NPC1: variants seen among roughly 807,000 people sequenced by gnomAD.
NPC1 encodes the protein Niemann-Pick C1 protein.
Under a neutral mutation model 140.4 loss-of-function variants are expected in NPC1, and 85 were observed. The ratio of observed to expected loss-of-function variants is 0.61; its 90% CI spans 0.51 to 0.72. The LOEUF is 0.72. NPC1 is among the 30% of genes least tolerant of loss of function. NPC1 has a pLI of 0.00. For missense variants in NPC1, 1,504 were observed against 1,623.8 expected (o/e 0.93, Z 1.27); for synonymous variants, 656 against 624.8 (o/e 1.05, Z -0.74).
In NPC1 at chr18:23,531,899, T is replaced by A; in HGVS notation, c.*303A>T. 2 of 1,442,426 alleles carry A rather than the reference T, an allele frequency of 1.4e-6. No individual in the cohort carries two copies. Among genetic ancestry groups the A allele is most frequent in the South Asian group, 3.0e-5 (2 of 67,050 alleles). The allele number at this position is 1,442,426 out of a possible 1,614,324, so 89.4% of individuals were successfully genotyped here. On this transcript the variant is annotated 3_prime_UTR_variant, in exon 25 of 25. Transcript: ENST00000269228. ...TGCATTGATTGGCCTTTACAGAGTG[T>A]CAGTGAGCGGATCACATTCACAGCC...
intron 22 of NPC1, 138 bp downstream of exon 22, chr18:23,535,331 G>C (rs2058612082): frequency 1.4e-6 from 1 of 726,068 alleles, no homozygotes; most frequent in Non-Finnish European, 2.5e-6. Context: ...CACTCATCCT[G>C]CCTCTCCATG....
chr18:23,531,778 T>C lies in NPC1; in HGVS notation c.*424A>G. 1 of 1,562,240 alleles carries C rather than the reference T, an allele frequency of 6.4e-7. No individual in the cohort carries two copies. The highest frequency in any genetic ancestry group is 2.3e-5 in the East Asian group (1 of 44,150). Reference sequence around the variant, plus strand: ...TGCATTAATAAAGCTCTTTAAACTATAAAATGTTATAAAGTGTATCTACAA... The same window carrying C: ...TGCATTAATAAAGCTCTTTAAACTACAAAATGTTATAAAGTGTATCTACAA... On this transcript the variant is annotated 3_prime_UTR_variant, in exon 25 of 25. Coordinates refer to ENST00000269228, the MANE Select transcript of NPC1 (RefSeq NM_000271.5).
intron 1 of NPC1, among the ~76,000 whole-genome samples, chr18:23,575,859 G>A (rs1277619006): frequency 6.6e-6 from 1 of 150,638 alleles, no homozygotes; most frequent in Non-Finnish European, 1.5e-5. Context: ...AGCCAAGGCA[G>A]GTGGGTCGCT....
chr18:23,586,152 G>A (rs2059416085), intron 1 of NPC1, 135 bp downstream of exon 1: 2 of 906,670 alleles, frequency 2.2e-6, no homozygotes, highest in Non-Finnish European at 3.3e-6. Flanking sequence ...GACAAGTGAG[G>A]AACCTCCGAG....
chr18:23,531,002 A>AT (rs201056665), downstream of NPC1, among the ~76,000 whole-genome samples: 3,497 of 148,908 alleles, frequency 0.023, 48 homozygotes, highest in Middle Eastern at 0.031. Context: ...GATCATTCTC[A>AT]TTTTTTTTTT....
intron 11 of NPC1, 42 bp from the exon 12 acceptor site, chr18:23,545,191 T>A: frequency 7.1e-7 from 1 of 1,417,966 alleles, no homozygotes; most frequent in Non-Finnish European, 1.0e-6. Context: ...TTAAACTAAC[T>A]GACAGCTAAG....
At chr18:23,520,521 G>A (rs1312719828), downstream of NPC1, among the ~76,000 whole-genome samples, 1 of 152,148 alleles carries the variant, frequency 6.6e-6, no homozygotes, top group African/African-American at 2.4e-5. Flanking sequence ...AGGTAGTGTC[G>A]TGATCTTGGC....
chr18:23,534,796 A>G (rs1713122921), intron 22 of NPC1, among the ~76,000 whole-genome samples: 1 of 152,190 alleles, frequency 6.6e-6, no homozygotes, highest in Admixed American at 6.5e-5. Flanking sequence ...TGTGTTGACC[A>G]GGAGAAATTG....
In NPC1 at chr18:23,531,502, G is replaced by C; in HGVS notation, c.*700C>G. Reference sequence around the variant, plus strand: ...GCAGATAGGGTAACCCCAAAACTTAGGAAAACAATGTATTTTATTAAAGAA... The same window carrying C: ...GCAGATAGGGTAACCCCAAAACTTACGAAAACAATGTATTTTATTAAAGAA... On this transcript the variant is annotated 3_prime_UTR_variant, in exon 25 of 25. Coordinates refer to ENST00000269228, the MANE Select transcript of NPC1 (RefSeq NM_000271.5). The C allele has an allele frequency of 1.3e-6, 2 of 1,481,584 alleles. No homozygotes were observed. Among genetic ancestry groups the C allele is most frequent in the South Asian group, 2.9e-5 (2 of 70,056 alleles). 91.8% of individuals were successfully genotyped at this position (1,481,584 alleles called of 1,614,324 possible).
chr18:23,510,692 A>G (rs2057831246), intron 3 of NPC1, among the ~76,000 whole-genome samples: 1 of 152,248 alleles, frequency 6.6e-6, no homozygotes, highest in Non-Finnish European at 1.5e-5. Flanking sequence ...ACTTTTTAAA[A>G]GAAGACACAC....
chr18:23,568,427 T>A (rs892582655), intron 4 of NPC1, among the ~76,000 whole-genome samples: 1 of 152,226 alleles, frequency 6.6e-6, no homozygotes, highest in Non-Finnish European at 1.5e-5. Flanking sequence ...CTTTCCTTTA[T>A]GGTGATCTGA....
downstream of NPC1, among the ~76,000 whole-genome samples, chr18:23,527,271 C>T (rs1360738870): frequency 6.9e-6 from 1 of 145,936 alleles, no homozygotes; most frequent in Non-Finnish European, 1.5e-5. Flanking sequence ...TGGTGGTATA[C>T]ACCTGTGGCC....
At chr18:23,529,109 T>C (rs2058400814), downstream of NPC1, 2 of 1,557,108 alleles carry the variant, frequency 1.3e-6, no homozygotes, top group Non-Finnish European at 1.7e-6. Context: ...TCAGTCCTTG[T>C]GGATGAACTG....
At position 23,532,245 on chromosome 18, in the gene NPC1, T is replaced by A. The variant is rs751251790; in HGVS notation, c.3794A>T (p.Glu1265Val). 22 of 1,614,056 alleles carry A rather than the reference T, an allele frequency of 1.4e-5. No homozygotes were observed. In the East Asian group the frequency reaches 1.8e-4, roughly 13 times the overall value. Residue 1265 changes from glutamate to valine, a missense_variant, in exon 25 of 25, where the codon GAG becomes GTG. Transcript: ENST00000269228. Reference protein sequence around the residue: ...VNKAKSCATEERYKGTERERL... With the variant: ...VNKAKSCATEVRYKGTERERL... ...TTCGCGCTCTGTTCCTTTGTATCGCTCTTCAGTGGCACAACTTTTGGCTTT... is the reference window on the plus strand; with the variant it reads ...TTCGCGCTCTGTTCCTTTGTATCGCACTTCAGTGGCACAACTTTTGGCTTT...
downstream of NPC1, chr18:23,531,291 G>A (rs931460517): frequency 4.4e-6 from 1 of 225,638 alleles, no homozygotes; most frequent in East Asian, 1.1e-4. Flanking sequence ...ACCTGGCCCT[G>A]GTTGATCATT....
At chr18:23,515,647 C>T (rs1311535015) in intron 3 of NPC1, among the ~76,000 whole-genome samples, 1 of 152,170 alleles carries the variant, frequency 6.6e-6, no homozygotes, top group East Asian at 1.9e-4. Flanking sequence ...ATTCTTGTGC[C>T]TCAGCCTTCT....
Position 23,531,739 on chromosome 18 carries a change from C to CAA in NPC1, c.*461_*462dup, listed in dbSNP as rs1199511973. 2 of 1,591,874 alleles carry CAA rather than the reference C, an allele frequency of 1.3e-6. No individual in the cohort carries two copies. Among genetic ancestry groups the CAA allele is most frequent in the African/African-American group, 2.7e-5 (2 of 73,402 alleles). ...CTGTTTTTTTATATAAAAATGTGTA[C>CAA]AAAGTTAATTTATTGCATTAATAAA... On this transcript the variant is annotated 3_prime_UTR_variant, in exon 25 of 25. Transcript: ENST00000269228.
Position 23,531,674 on chromosome 18 carries a change from C to G in NPC1, c.*528G>C. On this transcript the variant is annotated 3_prime_UTR_variant, in exon 25 of 25. Transcript: ENST00000269228. The stretch of plus-strand genomic sequence containing the variant: ...CTTTTTTCAAACAGATTTTTGGAGA[C>G]CAAGCTCTAATGAGGCCTACAACAT... The G allele has an allele frequency of 6.2e-7, 1 of 1,613,238 alleles. No homozygotes were observed. Among genetic ancestry groups the G allele is most frequent in the Non-Finnish European group, 8.5e-7 (1 of 1,179,824 alleles).
chr18:23,534,493 TG>T lies in NPC1; in HGVS notation c.3543del (p.Ser1182AlafsTer60). The T allele has an allele frequency of 6.2e-7, 1 of 1,614,172 alleles. No individual in the cohort carries two copies. Among genetic ancestry groups the T allele is most frequent in the East Asian group, 2.2e-5 (1 of 44,882 alleles). On this transcript the variant is annotated frameshift_variant, in exon 23 of 25. Coordinates refer to ENST00000269228, the MANE Select transcript of NPC1 (RefSeq NM_000271.5). LOFTEE classifies it high-confidence loss of function. ...GCCTCTTCCGCGCGCTCCACGCGGC[TG>T]CCTTTCATGCTCACCGTGAACGCTC... The part of the protein sequence containing the change: ...ITRAFTVSMK[G>X]SRVERAEEAL...
Sources: allele counts gnomAD v4.1 joint callset (sites outside exome capture counted in the v4.1 genomes callset), GRCh38; gene constraint gnomAD v4.1.1; transcripts MANE v1.5; gene names NCBI Gene and HGNC (gene_info 2026-07-23, HGNC 2026-07-21).